EFHB: variants seen among roughly 807,000 people sequenced by gnomAD.
EFHB encodes the protein EF-hand domain-containing family member B.
A neutral mutation model predicts 87.2 loss-of-function variants in EFHB; 91 were observed. The observed-to-expected ratio is 1.04, with a 90% CI of 0.88 to 1.24. The LOEUF (loss-of-function observed/expected upper bound fraction) is 1.24, where lower values mean the gene tolerates loss of function less well. Among genes scored for constraint, EFHB ranks in the 50% most tolerant of loss-of-function variants. EFHB has a pLI of 0.00. For missense variants in EFHB, 1,084 were observed against 998.8 expected (o/e 1.09, Z -1.15); for synonymous variants, 325 against 333.6 (o/e 0.97, Z 0.28).
chr3:19,941,617 G>A (rs1696159383), intron 1 of EFHB: 1 of 152,424 alleles, frequency 6.6e-6, no homozygotes, highest in South Asian at 2.1e-4. Flanking sequence ...AGCACTTTGG[G>A]AGGCTGAGGC....
chr3:19,894,295 GGCTTGTAA>G (rs1694401148), intron 9 of EFHB, among the ~76,000 whole-genome samples: 1 of 152,142 alleles, frequency 6.6e-6, no homozygotes, highest in East Asian at 1.9e-4. Context: ...GATGTCAACT[GGCTTGTAA>G]GCTTGCTGCA....
chr3:19,939,061 C>T (rs889153558), upstream of EFHB, among the ~76,000 whole-genome samples: 1 of 152,124 alleles, frequency 6.6e-6, no homozygotes, highest in East Asian at 1.9e-4. Flanking sequence ...CACCCGCCAC[C>T]ATGCCCAGCT....
Position 19,886,520 on chromosome 3 carries a change from G to A in EFHB, c.1934-1905C>T, listed in dbSNP as rs184852631. ...GCATATTGGGAGTCTGAGGAGGGAG[G>A]ATCCCTCAAGCCAGGAGTTCACAAC... On this transcript the variant is annotated intron_variant, in intron 10 of 12. Transcript: ENST00000295824. Among the ~76,000 whole-genome samples, 518 of 151,800 alleles carry A rather than the reference G, an allele frequency of 3.4e-3. 4 individuals carry two copies. Among genetic ancestry groups the A allele is most frequent in the African/African-American group, 0.012 (486 of 41,448 alleles).
intron 1 of EFHB, chr3:19,940,772 AC>A (rs1313968938): frequency 7.1e-5 from 25 of 350,890 alleles, no homozygotes; most frequent in Non-Finnish European, 1.1e-4. Context: ...TGTGAGGAAC[AC>A]CTTGGAGTGC....
chr3:19,943,445 T>C (rs1451570477), intron 1 of EFHB: 2 of 153,200 alleles, frequency 1.3e-5, no homozygotes, highest in Middle Eastern at 3.1e-3. Context: ...AGGTAAGGGC[T>C]CATTCAATTC....
chr3:19,902,511 C>T (rs147245890), intron 6 of EFHB, among the ~76,000 whole-genome samples: 2 of 151,974 alleles, frequency 1.3e-5, no homozygotes, highest in Admixed American at 6.5e-5. Context: ...CGTGCCACCA[C>T]ACTCAGCTAA....
chr3:19,940,866 A>T (rs1462563204), intron 1 of EFHB: 1 of 366,090 alleles, frequency 2.7e-6, no homozygotes, highest in Non-Finnish European at 5.5e-6. Context: ...AACCTGAATA[A>T]GCACATCAGG....
chr3:19,902,762 C>T (rs902371113), intron 6 of EFHB, among the ~76,000 whole-genome samples: 1 of 152,226 alleles, frequency 6.6e-6, no homozygotes, highest in African/African-American at 2.4e-5. Flanking sequence ...TAGACTAACA[C>T]TCTTGACTCC....
rs966390953 is a variant in EFHB, at chr3:19,884,308, A to G, written c.2146+95T>C. 26 of 1,196,722 alleles carry G rather than the reference A, an allele frequency of 2.2e-5. No homozygotes were observed. The East Asian group carries it at 6.5e-4, about 30-fold the overall frequency. 74.1% of individuals were successfully genotyped at this position (1,196,722 alleles called of 1,614,324 possible). On this transcript the variant is annotated intron_variant, in intron 11 of 12. Coordinates refer to ENST00000295824, the MANE Select transcript of EFHB (RefSeq NM_144715.4). ...TAAATGCAAGGTACAAAGCTTTGGG[A>G]AACTTAATCTAACGGAGAAAGGCAG...
intron 1 of EFHB, among the ~76,000 whole-genome samples, chr3:19,928,588 G>C (rs1695713521): frequency 6.6e-6 from 1 of 152,134 alleles, no homozygotes; most frequent in Non-Finnish European, 1.5e-5. Context: ...GGGATTACAG[G>C]TGCCTGCCAC....
At chr3:19,935,692 CAG>C (rs1217362066), upstream of EFHB, among the ~76,000 whole-genome samples, 1 of 151,738 alleles carries the variant, frequency 6.6e-6, no homozygotes, top group Non-Finnish European at 1.5e-5. Flanking sequence ...GCCTGAACAA[CAG>C]AGTGAGATTC....
intron 7 of EFHB, 139 bp from the exon 8 acceptor site, chr3:19,898,984 A>G (rs1281156740): frequency 1.2e-5 from 9 of 765,624 alleles, no homozygotes; most frequent in Non-Finnish European, 1.9e-5. Context: ...AAGTTCTCCA[A>G]TAGATCTTTT....
upstream of EFHB, among the ~76,000 whole-genome samples, chr3:19,935,532 C>G (rs1474855157): frequency 6.7e-6 from 1 of 150,284 alleles, no homozygotes; most frequent in Non-Finnish European, 1.5e-5. Context: ...GCCAACATCG[C>G]GAAACCCTGT....
chr3:19,938,733 A>C (rs1696079236), upstream of EFHB, among the ~76,000 whole-genome samples: 1 of 152,068 alleles, frequency 6.6e-6, no homozygotes, highest in African/African-American at 2.4e-5. Flanking sequence ...TCCTCACCCC[A>C]AGGATCGCCA....
chr3:19,919,033 T>C (rs950123160), intron 3 of EFHB, among the ~76,000 whole-genome samples: 1 of 151,496 alleles, frequency 6.6e-6, no homozygotes, highest in Non-Finnish European at 1.5e-5. Flanking sequence ...CAAGAACCAC[T>C]TGACTTCCAA....
intron 9 of EFHB, 67 bp from the exon 10 acceptor site, chr3:19,888,718 T>C: frequency 7.7e-7 from 1 of 1,306,346 alleles, no homozygotes; most frequent in Non-Finnish European, 1.1e-6. Context: ...GGCAACATTA[T>C]TTAGTTTAAG....
intron 1 of EFHB, among the ~76,000 whole-genome samples, chr3:19,928,295 C>T (rs1324009955): frequency 6.6e-6 from 1 of 152,162 alleles, no homozygotes; most frequent in Non-Finnish European, 1.5e-5. Context: ...AAAAGCTTTT[C>T]ACAGATTGTT....
Position 19,884,404 on chromosome 3 carries a change from A to C in EFHB, c.2145T>G (p.Thr715=). Reference sequence around the variant, plus strand: ...AAACTTGACAAATAAGTGACATACAAGTAGAAGGAATGGCTCCTACAATTG... The same window carrying C: ...AAACTTGACAAATAAGTGACATACACGTAGAAGGAATGGCTCCTACAATTG... The part of the protein sequence containing the change: ...INAIVGAIPS[T]CYPICGVPTI... The change falls in exon 11 of 13, where the codon ACT becomes ACG. Residue 715 remains threonine (T), a splice_region_variant and synonymous_variant. Coordinates refer to ENST00000295824, the MANE Select transcript of EFHB (RefSeq NM_144715.4). 6.2e-7 allele frequency: 1 copy of C among 1,612,800 alleles called. No individual in the cohort carries two copies. The highest frequency in any genetic ancestry group is 1.3e-5 in the African/African-American group (1 of 74,978).
At chr3:19,944,457 C>G (rs1366204046) in intron 1 of EFHB, among the ~76,000 whole-genome samples, 2 of 152,144 alleles carry the variant, frequency 1.3e-5, no homozygotes, top group Non-Finnish European at 2.9e-5. Context: ...AAAATATATA[C>G]AATTATCAGT....
Sources: gnomAD v4.1 joint callset for allele counts (sites outside exome capture counted in the v4.1 genomes callset) on GRCh38, gnomAD v4.1.1 for gene constraint, MANE v1.5 for transcripts, NCBI Gene and HGNC (gene_info 2026-07-23, HGNC 2026-07-21) for gene names.